CPS1: variants seen among roughly 807,000 people sequenced by gnomAD.
The protein encoded by CPS1 is carbamoyl-phosphate synthase 1, also known as carbamoyl-phosphate synthase [ammonia], mitochondrial.
Under a neutral mutation model 174.6 loss-of-function variants are expected in CPS1, and 109 were observed. That is an observed-to-expected ratio of 0.62 (90% confidence interval 0.53 to 0.73). The LOEUF (loss-of-function observed/expected upper bound fraction) is 0.73. CPS1 is among the 30% of genes least tolerant of loss of function. The pLI, the probability that CPS1 is intolerant of heterozygous loss-of-function variation, is 0.00. For missense variants in CPS1, 1,689 were observed against 1,821.9 expected (o/e 0.93, Z 1.33); for synonymous variants, 637 against 632.0 (o/e 1.01, Z -0.12).
chr2:210,527,818 CAG>C (rs1187685318), intron 1 of CPS1, among the ~76,000 whole-genome samples: 10 of 151,618 alleles, frequency 6.6e-5, no homozygotes, highest in African/African-American at 1.7e-4. Flanking sequence ...AATGAATAAA[CAG>C]AGAATTTTTT....
At chr2:210,554,132 T>TATATATATGTATATATACAC (rs1696813080), upstream of CPS1, among the ~76,000 whole-genome samples, 1 of 133,542 alleles carries the variant, frequency 7.5e-6, no homozygotes, top group Non-Finnish European at 1.7e-5. Flanking sequence ...TATATATACA[T>TATATATATGTATATATACAC]ACATATATAT....
chr2:210,617,432 A>G (rs1699348648), intron 21 of CPS1: 1 of 152,044 alleles, frequency 6.6e-6, no homozygotes. Flanking sequence ...TGATTTGACA[A>G]AATGTAGATA....
At chr2:210,629,747 G>A (rs1013769026) in intron 21 of CPS1, among the ~76,000 whole-genome samples, 1 of 151,446 alleles carries the variant, frequency 6.6e-6, no homozygotes, top group Non-Finnish European at 1.5e-5. Context: ...GAGAGTCATT[G>A]CATCTTAAAT....
intron 34 of CPS1, among the ~76,000 whole-genome samples, chr2:210,669,301 G>GA (rs1004392304): frequency 2.6e-5 from 4 of 151,992 alleles, no homozygotes; most frequent in African/African-American, 9.7e-5. Flanking sequence ...TAAATTTCCT[G>GA]AAAAAATACT....
Position 210,656,505 on chromosome 2 carries a change from T to C in CPS1, c.3559-20T>C, listed in dbSNP as rs1181977935. The stretch of plus-strand genomic sequence containing the variant: ...ACCTGAAAACTTTTTCTAAAATCCT[T>C]TTTTTTTTTTTTTGGCCAGGTTATC... On this transcript the variant is annotated intron_variant, in intron 29 of 37. Transcript: ENST00000233072. The C allele has an allele frequency of 1.9e-4, 36 of 185,682 alleles. No homozygotes were observed. The highest frequency in any genetic ancestry group is 2.7e-4 in the Non-Finnish European group (33 of 121,916). The allele number at this position is 185,682 out of a possible 1,614,324, so 11.5% of individuals were successfully genotyped here. A position where few individuals can be genotyped will look rare whatever the true frequency, so the allele number is the denominator to read the frequency against.
chr2:210,593,035 C>A, intron 11 of CPS1, 79 bp downstream of exon 11: 2 of 1,205,310 alleles, frequency 1.7e-6, no homozygotes, highest in South Asian at 1.2e-5. Context: ...CCAAAATAAT[C>A]ACCCCAGATG....
intron 10 of CPS1, 85 bp downstream of exon 10, chr2:210,592,054 T>G: frequency 2.1e-6 from 3 of 1,418,474 alleles, no homozygotes; most frequent in Non-Finnish European, 2.9e-6. Context: ...ATTGTATATA[T>G]TTATGAGATA....
chr2:210,619,511 A>G, intron 21 of CPS1: 1 of 152,210 alleles, frequency 6.6e-6, no homozygotes, highest in Middle Eastern at 3.4e-3. Context: ...AGATATGTAG[A>G]TATGATAGTT....
intron 25 of CPS1, 27 bp downstream of exon 25, chr2:210,642,692 G>GA: frequency 1.9e-6 from 3 of 1,592,040 alleles, no homozygotes; most frequent in Non-Finnish European, 2.6e-6. Context: ...AGAAAAAAAA[G>GA]AAAAAAGAAG....
Position 210,610,806 on chromosome 2 carries a change from C to T in CPS1, c.2392-1311C>T, listed in dbSNP as rs1699087084. On this transcript the variant is annotated intron_variant, in intron 19 of 37. Coordinates refer to ENST00000233072, the MANE Select transcript of CPS1 (RefSeq NM_001875.5). ...TTGAAAAGCACAATTTTTGAGCAAA[C>T]ATTTATAGATACATATTCCTTTGTT... 2.0e-5 allele frequency among the ~76,000 whole-genome samples: 3 copies of T among 151,242 alleles called. 1 individual carries two copies. Among genetic ancestry groups the T allele is most frequent in the South Asian group, 4.2e-4 (2 of 4,790 alleles).
At chr2:210,598,512 G>A (rs1698579836) in intron 13 of CPS1, among the ~76,000 whole-genome samples, 1 of 149,112 alleles carries the variant, frequency 6.7e-6, no homozygotes, top group African/African-American at 2.5e-5. Context: ...AAGGGATAGA[G>A]GAAAATCTAC....
At chr2:210,663,761 T>C (rs1321986479) in intron 33 of CPS1, among the ~76,000 whole-genome samples, 1 of 152,128 alleles carries the variant, frequency 6.6e-6, no homozygotes. Flanking sequence ...AAGGTTTCTT[T>C]AGGATTGTGA....
intron 2 of CPS1, among the ~76,000 whole-genome samples, chr2:210,573,619 G>A (rs933675742): frequency 1.3e-5 from 2 of 151,982 alleles, no homozygotes; most frequent in African/African-American, 2.4e-5. Flanking sequence ...GACAACATGG[G>A]CACACTGGTG....
chr2:210,662,262 A>G (rs1306257669), intron 32 of CPS1, among the ~76,000 whole-genome samples: 1 of 152,044 alleles, frequency 6.6e-6, no homozygotes, highest in Non-Finnish European at 1.5e-5. Context: ...TTTGTATATA[A>G]ATCTTAGTTT....
intron 1 of CPS1, among the ~76,000 whole-genome samples, chr2:210,531,433 A>T (rs1210140268): frequency 6.6e-6 from 1 of 152,148 alleles, no homozygotes; most frequent in Non-Finnish European, 1.5e-5. Context: ...TGCCTACTGA[A>T]AAACTGAACA....
At chr2:210,501,198 C>G (rs1695130259) in intron 1 of CPS1, among the ~76,000 whole-genome samples, 1 of 152,084 alleles carries the variant, frequency 6.6e-6, no homozygotes, top group South Asian at 2.1e-4. Flanking sequence ...ATTTTCCTCC[C>G]AGGCCTCTGG....
chr2:210,508,669 A>G (rs1449502667), intron 1 of CPS1, among the ~76,000 whole-genome samples: 1 of 152,204 alleles, frequency 6.6e-6, no homozygotes, highest in Non-Finnish European at 1.5e-5. Context: ...AGAATCAAAT[A>G]GATGCAATTA....
chr2:210,588,523 C>T (rs574400777), intron 7 of CPS1, among the ~76,000 whole-genome samples: 4 of 152,126 alleles, frequency 2.6e-5, no homozygotes, highest in South Asian at 2.1e-4. Context: ...TTGTACCACA[C>T]GTTTGTAGGA....
chr2:210,481,863 T>A (rs1181379777), intron 1 of CPS1, among the ~76,000 whole-genome samples: 2 of 152,232 alleles, frequency 1.3e-5, no homozygotes, highest in Non-Finnish European at 2.9e-5. Flanking sequence ...AGAAGGACAC[T>A]TCAAGAATCC....
Sources: allele counts gnomAD v4.1 joint callset (sites outside exome capture counted in the v4.1 genomes callset), GRCh38; gene constraint gnomAD v4.1.1; transcripts MANE v1.5; gene names NCBI Gene and HGNC (gene_info 2026-07-23, HGNC 2026-07-21).